The following EPB41L5 variants were observed in gnomAD, a reference collection of about 807,000 sequenced individuals.
The protein encoded by EPB41L5 is band 4.1-like protein 5.
A neutral mutation model predicts 106.6 loss-of-function variants in EPB41L5; 55 were observed. That is an observed-to-expected ratio of 0.52 (90% CI 0.42 to 0.65). The LOEUF (loss-of-function observed/expected upper bound fraction) is 0.65, where lower values mean the gene tolerates loss of function less well. Ranked by LOEUF, EPB41L5 falls within the 30% of genes least tolerant of loss-of-function variation. The pLI is 0.00. For synonymous variants in EPB41L5, 297 were observed against 306.7 expected, an observed-to-expected ratio of 0.97 and a Z score of 0.33; for missense variants, 871 against 882.1, an observed-to-expected ratio of 0.99 and a Z score of 0.16.
intron 24 of EPB41L5, among the ~76,000 whole-genome samples, 167 bp downstream of exon 24, chr2:120,168,174 T>G (rs1390751316): frequency 6.6e-6 from 1 of 152,262 alleles, no homozygotes; most frequent in Non-Finnish European, 1.5e-5. Flanking sequence ...GGCTTTTTCT[T>G]GTCAGTAGCA....
intron 2 of EPB41L5, among the ~76,000 whole-genome samples, chr2:120,036,515 C>T (rs572409809): frequency 9.9e-5 from 15 of 152,124 alleles, no homozygotes; most frequent in African/African-American, 3.4e-4. Context: ...GACAAATGAG[C>T]GCAAGCACCT....
intron 3 of EPB41L5, among the ~76,000 whole-genome samples, chr2:120,063,904 T>A (rs1681262182): frequency 6.6e-6 from 1 of 151,558 alleles, no homozygotes. Flanking sequence ...ATCGCGCCAC[T>A]GCACTCCAGC....
intron 8 of EPB41L5, 45 bp from the exon 9 acceptor site, chr2:120,077,184 T>C (rs770483844): frequency 1.9e-6 from 3 of 1,583,244 alleles, no homozygotes; most frequent in Non-Finnish European, 1.7e-6. Context: ...ATAGAATTTA[T>C]TTTATATTTA....
At chr2:120,172,867 C>T (rs1373594905) in intron 24 of EPB41L5, among the ~76,000 whole-genome samples, 1 of 152,106 alleles carries the variant, frequency 6.6e-6, no homozygotes. Context: ...AACAGGCTCC[C>T]CACCCTCCAG....
intron 18 of EPB41L5, among the ~76,000 whole-genome samples, chr2:120,136,151 AAT>A: frequency 6.7e-6 from 1 of 148,708 alleles, no homozygotes; most frequent in Non-Finnish European, 1.5e-5. Flanking sequence ...TTTGCTTGTT[AAT>A]TTTTTTTTTT....
At chr2:120,153,043 TAA>T (rs1241088071) in intron 20 of EPB41L5, among the ~76,000 whole-genome samples, 1 of 152,206 alleles carries the variant, frequency 6.6e-6, no homozygotes, top group Non-Finnish European at 1.5e-5. Context: ...CTTTTGGATT[TAA>T]GTTTTTCTTA....
intron 10 of EPB41L5, among the ~76,000 whole-genome samples, chr2:120,081,493 G>C (rs1049396270): frequency 6.6e-6 from 1 of 152,222 alleles, no homozygotes; most frequent in Non-Finnish European, 1.5e-5. Flanking sequence ...CCAGTACCAT[G>C]CTGTTTTGGT....
rs1368617485 is a variant in EPB41L5, at chr2:120,075,685, T to C, written c.453-16T>C. Reference sequence around the variant, plus strand: ...ATGAAATCAACTTGTCTAACAAACTTGTGTTTTGGTCTCAGATTAGACTGT... The same window carrying C: ...ATGAAATCAACTTGTCTAACAAACTCGTGTTTTGGTCTCAGATTAGACTGT... On this transcript the variant is annotated splice_polypyrimidine_tract_variant and intron_variant, in intron 6 of 24. Coordinates refer to ENST00000263713, the MANE Select transcript of EPB41L5 (RefSeq NM_020909.4). 6.2e-7 allele frequency: 1 copy of C among 1,610,062 alleles called. No homozygotes were observed. The highest frequency in any genetic ancestry group is 8.5e-7 in the Non-Finnish European group (1 of 1,176,632).
intron 16 of EPB41L5, chr2:120,104,778 C>T (rs563686026): frequency 1.1e-6 from 1 of 897,480 alleles, no homozygotes; most frequent in Admixed American, 6.2e-5. Flanking sequence ...TTTTTAATTA[C>T]AAACACTTTT....
intron 2 of EPB41L5, among the ~76,000 whole-genome samples, chr2:120,020,508 T>G (rs562373494): frequency 6.6e-6 from 1 of 152,216 alleles, no homozygotes; most frequent in Non-Finnish European, 1.5e-5. Context: ...AGAATGTATA[T>G]TTTTAGGGTT....
At chr2:120,134,531 A>G (rs1685840510) in intron 18 of EPB41L5, among the ~76,000 whole-genome samples, 1 of 152,192 alleles carries the variant, frequency 6.6e-6, no homozygotes, top group Non-Finnish European at 1.5e-5. Context: ...GACTCAGCAC[A>G]GTGTCAGTGG....
rs371102223 is a variant in EPB41L5, at chr2:120,075,540, G to A, written c.452+20G>A. The A allele has an allele frequency of 1.2e-5, 19 of 1,524,344 alleles. No homozygotes were observed. In the African/African-American group the frequency reaches 2.1e-4, roughly 17 times the overall value. 94.4% of individuals were successfully genotyped at this position (1,524,344 alleles called of 1,614,324 possible). On this transcript the variant is annotated intron_variant, in intron 6 of 24. Coordinates refer to ENST00000263713, the MANE Select transcript of EPB41L5 (RefSeq NM_020909.4). ...TGGAAAGTGAGTATTAGTTATTTAAGGATAAATGCACATTTTCGTGAGTGG... is the reference window on the plus strand; with the variant it reads ...TGGAAAGTGAGTATTAGTTATTTAAAGATAAATGCACATTTTCGTGAGTGG...
At chr2:120,170,201 A>G (rs1046950032) in intron 24 of EPB41L5, among the ~76,000 whole-genome samples, 1 of 152,272 alleles carries the variant, frequency 6.6e-6, no homozygotes, top group South Asian at 2.1e-4. Flanking sequence ...ATGTAGCAGT[A>G]TAGATGAATC....
chr2:120,163,963 T>TTA (rs1687264130), intron 21 of EPB41L5, among the ~76,000 whole-genome samples: 1 of 142,290 alleles, frequency 7.0e-6, no homozygotes, highest in African/African-American at 2.6e-5. Flanking sequence ...CAACTTTTTT[T>TTA]TATTTTTTTG....
In EPB41L5 at chr2:120,127,700, T is replaced by C. The variant is rs1269891920; in HGVS notation, c.1350T>C (p.Asn450=). 6.2e-7 allele frequency: 1 copy of C among 1,603,466 alleles called. No individual in the cohort carries two copies. The highest frequency in any genetic ancestry group is 2.2e-5 in the East Asian group (1 of 44,758). The change falls in exon 17 of 25, where the codon AAT becomes AAC. Residue 450 remains asparagine (N), a synonymous_variant. Transcript: ENST00000263713. The part of the protein sequence containing the change: ...DQHDRKCIPL[N]IDLLNSPDLL... ...ATTTCCATTGCAGCATTCCTCTGAA[T>C]ATTGATTTGCTGAATAGCCCAGACT...
At chr2:120,027,287 C>T (rs919433509) in intron 2 of EPB41L5, among the ~76,000 whole-genome samples, 4 of 152,152 alleles carry the variant, frequency 2.6e-5, no homozygotes, top group African/African-American at 9.7e-5. Flanking sequence ...TAGAAATAAC[C>T]TGGATGCTCA....
chr2:120,115,911 G>A (rs1008385704), intron 16 of EPB41L5, among the ~76,000 whole-genome samples: 3 of 152,110 alleles, frequency 2.0e-5, no homozygotes, highest in African/African-American at 7.2e-5. Context: ...CGAGGTTCAG[G>A]CGATTCTCAT....
At chr2:120,036,788 A>G in intron 2 of EPB41L5, among the ~76,000 whole-genome samples, 1 of 152,182 alleles carries the variant, frequency 6.6e-6, no homozygotes, top group Admixed American at 6.5e-5. Context: ...GTGAAGGAGA[A>G]ATTAGTGAGT....
At chr2:120,127,583 T>C in intron 16 of EPB41L5, 105 bp from the exon 17 acceptor site, 3 of 870,798 alleles carry the variant, frequency 3.4e-6, no homozygotes, top group Non-Finnish European at 5.1e-6. Context: ...CATGGTTGCT[T>C]GAATTCACAG....
Sources: gnomAD v4.1 joint callset for allele counts (sites outside exome capture counted in the v4.1 genomes callset) on GRCh38, gnomAD v4.1.1 for gene constraint, MANE v1.5 for transcripts, NCBI Gene and HGNC (gene_info 2026-07-23, HGNC 2026-07-21) for gene names.